The following GPHN variants were observed in gnomAD, a reference collection of about 807,000 sequenced individuals.
GPHN encodes the protein gephyrin.
In GPHN, 17 loss-of-function variants were observed where a neutral mutation model predicts 95.5. That is an observed-to-expected ratio of 0.18 (90% confidence interval 0.12 to 0.27). The LOEUF (loss-of-function observed/expected upper bound fraction) is 0.27, where lower values mean the gene tolerates loss of function less well. GPHN is among the 10% of genes least tolerant of loss of function. GPHN has a pLI of 1.00. For missense variants in GPHN, 660 were observed against 978.1 expected, an observed-to-expected ratio of 0.67 and a Z score of 4.34; for synonymous variants, 320 against 322.5, an observed-to-expected ratio of 0.99 and a Z score of 0.08.
the GPHN span, among the ~76,000 whole-genome samples, chr14:67,675,135 A>AT: frequency 6.6e-6 from 1 of 152,180 alleles, no homozygotes; most frequent in African/African-American, 2.4e-5. Flanking sequence ...CCCTGGAAAG[A>AT]TAGCCGGGCC....
At chr14:67,134,509 A>G (rs998958828) in intron 17 of GPHN, among the ~76,000 whole-genome samples, 2 of 152,156 alleles carry the variant, frequency 1.3e-5, no homozygotes, top group Non-Finnish European at 2.9e-5. Flanking sequence ...TGAGTAACTA[A>G]ACTATTTACT....
intron 1 of GPHN, among the ~76,000 whole-genome samples, chr14:66,519,375 T>A (rs765694806): frequency 1.9e-4 from 29 of 152,072 alleles, no homozygotes; most frequent in Non-Finnish European, 3.7e-4. Flanking sequence ...TGTGTATGTG[T>A]ATCATACAAT....
intron 1 of GPHN, among the ~76,000 whole-genome samples, chr14:66,662,432 G>A (rs1324328360): frequency 1.3e-5 from 2 of 151,690 alleles, no homozygotes; most frequent in African/African-American, 2.4e-5. Context: ...GCAGCCCTGT[G>A]AAAAGTGGCC....
intron 13 of GPHN, among the ~76,000 whole-genome samples, chr14:67,108,712 G>GGGGTGT (rs5809330): frequency 2.3e-5 from 3 of 131,142 alleles, no homozygotes; most frequent in East Asian, 2.2e-4. Context: ...TTCCCTAAGG[G>GGGGTGT]GTGTGTGTGT....
At chr14:66,702,034 C>G in intron 2 of GPHN, among the ~76,000 whole-genome samples, 1 of 152,194 alleles carries the variant, frequency 6.6e-6, no homozygotes, top group South Asian at 2.1e-4. Context: ...AGACTGCGGC[C>G]ACAGTGCCTC....
intron 10 of GPHN, among the ~76,000 whole-genome samples, chr14:67,041,609 G>A (rs1250990287): frequency 6.6e-6 from 1 of 152,142 alleles, no homozygotes; most frequent in African/African-American, 2.4e-5. Context: ...TCTTAATCCA[G>A]TGTATCATTG....
the GPHN span, among the ~76,000 whole-genome samples, chr14:67,430,220 A>G: frequency 2.0e-5 from 3 of 152,212 alleles, no homozygotes; most frequent in Non-Finnish European, 2.9e-5. Context: ...ACATGGACCC[A>G]GATTTCCCTG....
At chr14:67,503,897 T>C in the GPHN span, among the ~76,000 whole-genome samples, 1 of 151,754 alleles carries the variant, frequency 6.6e-6, no homozygotes, top group Non-Finnish European at 1.5e-5. Flanking sequence ...AGAGACAGGG[T>C]TTCACCATGT....
intron 3 of GPHN, among the ~76,000 whole-genome samples, chr14:66,784,143 T>C (rs2059694745): frequency 6.6e-6 from 1 of 151,818 alleles, no homozygotes; most frequent in Admixed American, 6.6e-5. Context: ...TCTTTAAAAA[T>C]GAAAAAATGG....
At chr14:66,558,958 A>G (rs528313479) in intron 1 of GPHN, among the ~76,000 whole-genome samples, 36 of 148,688 alleles carry the variant, frequency 2.4e-4, no homozygotes, top group South Asian at 1.5e-3. Flanking sequence ...TCATTGTTCA[A>G]TTCCCACCTA....
chr14:66,695,210 G>A (rs1951353), intron 2 of GPHN, among the ~76,000 whole-genome samples: 47,850 of 151,954 alleles, frequency 0.31, 11,526 homozygotes, highest in African/African-American at 0.65. Flanking sequence ...CTATTGAAAA[G>A]TGGGCCAAAG....
At chr14:66,631,933 C>T (rs548882694) in intron 1 of GPHN, among the ~76,000 whole-genome samples, 359 of 152,162 alleles carry the variant, frequency 2.4e-3, no homozygotes, top group Non-Finnish European at 3.0e-3. Context: ...GCTTCGAATT[C>T]AGGTTGTTTG....
rs1289359036 is a variant in GPHN at position 66,593,300 on chromosome 14, T to A, written c.64+84709T>A. ...CATGTATCCCAGAACTTAAAGTATT[T>A]AAAAAAAAAAAAAAACAAACAACTG... On this transcript the variant is annotated intron_variant, in intron 1 of 22. Coordinates refer to ENST00000478722, the MANE Select transcript of GPHN (RefSeq NM_020806.5). 5.6e-3 allele frequency among the ~76,000 whole-genome samples: 786 copies of A among 139,716 alleles called. 12 individuals carry two copies. Among genetic ancestry groups the A allele is most frequent in the African/African-American group, 0.018 (737 of 40,178 alleles). 91.7% of individuals were successfully genotyped at this position (139,716 alleles called of 152,430 possible).
intron 1 of GPHN, among the ~76,000 whole-genome samples, chr14:66,580,490 A>C (rs1375395732): frequency 6.6e-6 from 1 of 151,830 alleles, no homozygotes; most frequent in Non-Finnish European, 1.5e-5. Flanking sequence ...AAAGAAAATC[A>C]GAAATGAAAG....
chr14:67,348,702 A>C, the GPHN span, among the ~76,000 whole-genome samples: 8 of 131,866 alleles, frequency 6.1e-5, no homozygotes, highest in Non-Finnish European at 9.8e-5. Context: ...TTGTATTATT[A>C]GTAGAGATGG....
intron 2 of GPHN, among the ~76,000 whole-genome samples, chr14:66,698,346 T>A (rs1224326635): frequency 6.6e-6 from 1 of 152,170 alleles, no homozygotes; most frequent in Non-Finnish European, 1.5e-5. Flanking sequence ...TAACTTGAAA[T>A]CTGTGTGAAA....
At chr14:67,113,939 T>G (rs1567350813) in intron 16 of GPHN, among the ~76,000 whole-genome samples, 1 of 152,214 alleles carries the variant, frequency 6.6e-6, no homozygotes, top group Non-Finnish European at 1.5e-5. Context: ...AAAGTATTAA[T>G]AATTCCTTTG....
At chr14:67,673,438 T>A in the GPHN span, among the ~76,000 whole-genome samples, 40 of 152,344 alleles carry the variant, frequency 2.6e-4, no homozygotes, top group Non-Finnish European at 4.4e-4. Context: ...ACACTGCCTC[T>A]TAATAGTTAT....
chr14:67,345,467 A>C, the GPHN span, among the ~76,000 whole-genome samples: 1 of 151,974 alleles, frequency 6.6e-6, no homozygotes, highest in Non-Finnish European at 1.5e-5. Flanking sequence ...AGGCAGAAGA[A>C]TCACTTGAAC....
Sources: allele counts gnomAD v4.1 joint callset (sites outside exome capture counted in the v4.1 genomes callset), GRCh38; gene constraint gnomAD v4.1.1; transcripts MANE v1.5; gene names NCBI Gene and HGNC (gene_info 2026-07-23, HGNC 2026-07-21).